The following TRDN variants were observed in gnomAD, a reference collection of about 807,000 sequenced individuals.
The protein encoded by TRDN is triadin in skeletal muscle.
TRDN carries 161 observed loss-of-function variants against 149.7 expected under a neutral mutation model. The observed-to-expected ratio is 1.08, with a 90% CI of 0.95 to 1.23. The LOEUF (loss-of-function observed/expected upper bound fraction) is 1.23, where lower values mean the gene tolerates loss of function less well. Among genes scored for constraint, TRDN ranks in the 50% most tolerant of loss-of-function variants. The pLI, the probability that TRDN is intolerant of heterozygous loss-of-function variation, is 0.00. For missense variants in TRDN, 896 were observed against 823.5 expected, an observed-to-expected ratio of 1.09 and a Z score of -1.08; for synonymous variants, 294 against 250.5, an observed-to-expected ratio of 1.17 and a Z score of -1.64.
rs1320630489 is a variant in TRDN at position 123,358,781 on chromosome 6, C to A, written c.1322-6195G>T. Among the ~76,000 whole-genome samples the A allele has an allele frequency of 2.6e-5, 4 of 152,178 alleles. No homozygotes were observed. The South Asian group carries it at 6.2e-4, about 24-fold the overall frequency. ...TACAGGCGTGAGCCACCGCGCCCAG[C>A]CTAGTAGGTACGTTTAAATGGAGAA... On this transcript the variant is annotated intron_variant, in intron 20 of 40. Transcript: ENST00000334268.
intron 9 of TRDN, among the ~76,000 whole-genome samples, chr6:123,475,924 T>C (rs1229922963): frequency 6.7e-6 from 1 of 149,866 alleles, no homozygotes; most frequent in Admixed American, 6.7e-5. Flanking sequence ...TAATAAGAGC[T>C]ATCTATGACA....
intron 19 of TRDN, among the ~76,000 whole-genome samples, chr6:123,373,835 A>G (rs1025842583): frequency 3.3e-5 from 5 of 152,124 alleles, no homozygotes; most frequent in Admixed American, 6.6e-5. Context: ...ACAGAAAACT[A>G]TGTGCACCAT....
intron 4 of TRDN, among the ~76,000 whole-genome samples, chr6:123,536,938 G>A (rs1364578606): frequency 6.6e-6 from 1 of 151,670 alleles, no homozygotes; most frequent in East Asian, 1.9e-4. Flanking sequence ...ACAATTGAAA[G>A]TTTTTTATAT....
chr6:123,442,762 A>T (rs973938472), intron 10 of TRDN, among the ~76,000 whole-genome samples: 1 of 152,076 alleles, frequency 6.6e-6, no homozygotes, highest in Non-Finnish European at 1.5e-5. Flanking sequence ...CTTTGAGTAA[A>T]TGCAACTTTA....
At chr6:123,617,235 G>A (rs927489862) in intron 1 of TRDN, among the ~76,000 whole-genome samples, 2 of 152,064 alleles carry the variant, frequency 1.3e-5, no homozygotes, top group African/African-American at 4.8e-5. Context: ...AGGTGTCCTG[G>A]TCGAAGAACC....
At chr6:123,560,585 A>C (rs577827827) in intron 2 of TRDN, among the ~76,000 whole-genome samples, 1 of 152,332 alleles carries the variant, frequency 6.6e-6, no homozygotes, top group East Asian at 1.9e-4. Context: ...AAAAGGGCTC[A>C]GATCCCATCG....
chr6:123,545,813 A>G (rs1428784217), intron 4 of TRDN, among the ~76,000 whole-genome samples: 1 of 152,094 alleles, frequency 6.6e-6, no homozygotes, highest in Non-Finnish European at 1.5e-5. Flanking sequence ...AACAATAGTA[A>G]AACAGCTTTG....
At chr6:123,252,702 C>T (rs557688647) in intron 37 of TRDN, among the ~76,000 whole-genome samples, 1 of 152,114 alleles carries the variant, frequency 6.6e-6, no homozygotes. Flanking sequence ...CTCACTGCAG[C>T]CTCAAATTCC....
chr6:123,221,957 C>T (rs1418150559), intron 39 of TRDN, among the ~76,000 whole-genome samples: 1 of 151,668 alleles, frequency 6.6e-6, no homozygotes, highest in African/African-American at 2.4e-5. Context: ...ATCATCCTTG[C>T]CATGAAAGTA....
At chr6:123,425,521 CTA>C (rs1415711016) in intron 12 of TRDN, among the ~76,000 whole-genome samples, 1 of 151,812 alleles carries the variant, frequency 6.6e-6, no homozygotes, top group East Asian at 1.9e-4. Context: ...GAATTGAGCC[CTA>C]GAGTGCTTCC....
intron 1 of TRDN, among the ~76,000 whole-genome samples, chr6:123,618,781 T>G (rs1785231888): frequency 6.6e-6 from 1 of 152,164 alleles, no homozygotes; most frequent in South Asian, 2.1e-4. Flanking sequence ...AATTGTCAAG[T>G]TGTGTGACAA....
rs540238013 is a variant in TRDN at position 123,362,795 on chromosome 6, T to C, written c.1321+3340A>G. On this transcript the variant is annotated intron_variant, in intron 20 of 40. Transcript: ENST00000334268. ...TAGTGACTTAATAAAGTTTCACCTATTTTTAGTATTTTAAATTGCTCAAGA... is the reference window on the plus strand; with the variant it reads ...TAGTGACTTAATAAAGTTTCACCTACTTTTAGTATTTTAAATTGCTCAAGA... Among the ~76,000 whole-genome samples the C allele has an allele frequency of 1.3e-4, 20 of 152,272 alleles. No homozygotes were observed. In the South Asian group the frequency reaches 4.1e-3, roughly 32 times the overall value.
chr6:123,554,744 A>G (rs1324656218), intron 2 of TRDN, among the ~76,000 whole-genome samples: 2 of 152,140 alleles, frequency 1.3e-5, no homozygotes, highest in East Asian at 3.9e-4. Context: ...GATAGGAAAA[A>G]CAAAACAAAA....
intron 9 of TRDN, among the ~76,000 whole-genome samples, chr6:123,485,958 A>G (rs1263532777): frequency 6.6e-6 from 1 of 151,982 alleles, no homozygotes; most frequent in Non-Finnish European, 1.5e-5. Flanking sequence ...TTGTATCACT[A>G]GTGGTTTTGT....
At chr6:123,320,530 C>A (rs574887570) in intron 23 of TRDN, among the ~76,000 whole-genome samples, 9 of 150,026 alleles carry the variant, frequency 6.0e-5, no homozygotes, top group Non-Finnish European at 1.0e-4. Context: ...ACTCAATTTA[C>A]AGATAGCAAT....
At position 123,503,825 on chromosome 6, in the gene TRDN, T is replaced by C; in HGVS notation, c.687A>G (p.Lys229=). 6.2e-7 allele frequency: 1 copy of C among 1,607,320 alleles called. No individual in the cohort carries two copies. Among genetic ancestry groups the C allele is most frequent in the African/African-American group, 1.3e-5 (1 of 74,996 alleles). ...KKEVKGGKQE[K]VKQTAAKVKE... ...TTACTTTTGCAGCTGTTTGCTTCAC[T>C]TTCTCCTGTTTTCCACCTTTCACTT... The change falls in exon 8 of 41, where the codon AAA becomes AAG. Residue 229 remains lysine, a synonymous_variant. Transcript: ENST00000334268.
intron 1 of TRDN, among the ~76,000 whole-genome samples, chr6:123,608,502 C>G (rs1784628069): frequency 6.6e-6 from 1 of 152,066 alleles, no homozygotes; most frequent in African/African-American, 2.4e-5. Flanking sequence ...CTATATATTT[C>G]AAATATATGG....
chr6:123,533,242 T>C (rs1780337734), intron 4 of TRDN, among the ~76,000 whole-genome samples: 1 of 152,090 alleles, frequency 6.6e-6, no homozygotes. Flanking sequence ...AATAATATTT[T>C]TTTTAGAGGT....
intron 39 of TRDN, among the ~76,000 whole-genome samples, chr6:123,221,730 C>A (rs1309587174): frequency 6.6e-6 from 1 of 151,446 alleles, no homozygotes; most frequent in Non-Finnish European, 1.5e-5. Context: ...AGAAAGGGAA[C>A]CCATGAAAAA....
Sources: gnomAD v4.1 joint callset for allele counts (sites outside exome capture counted in the v4.1 genomes callset) on GRCh38, gnomAD v4.1.1 for gene constraint, MANE v1.5 for transcripts, NCBI Gene and HGNC (gene_info 2026-07-23, HGNC 2026-07-21) for gene names.